AGBL5: variants seen among roughly 807,000 people sequenced by gnomAD.
AGBL5 encodes AGBL carboxypeptidase 5, also known as cytosolic carboxypeptidase-like protein 5.
Under a neutral mutation model 88.0 loss-of-function variants are expected in AGBL5, and 51 were observed. The observed-to-expected ratio is 0.58, with a 90% CI of 0.46 to 0.73. The LOEUF (loss-of-function observed/expected upper bound fraction) is 0.73. Among genes scored for constraint, AGBL5 ranks in the 30% least tolerant of loss-of-function variants. The pLI, the probability that AGBL5 is intolerant of heterozygous loss-of-function variation, is 0.00. For synonymous variants in AGBL5, 446 were observed against 438.8 expected (o/e 1.02, Z -0.21); for missense variants, 1,031 against 1,162.2 (o/e 0.89, Z 1.64).
chr2:27,069,604 C>T lies in AGBL5; in HGVS notation c.2387C>T (p.Pro796Leu), dbSNP rs747409024. Residue 796 changes from proline (P) to leucine (L), a missense_variant, in exon 14 of 15, where the codon CCG becomes CTG. Pro to Leu is a moderately conservative substitution (Grantham distance 98). This residue lies in a region of AGBL5 where 491 missense variants were observed against 484.0 expected (regional missense o/e 1.01). Coordinates refer to ENST00000360131, the MANE Select transcript of AGBL5 (RefSeq NM_021831.6). ...ARPRLGRGSP[P>L]TRRGMKGSSG... ...CCCAGGTTGGGCCGGGGCTCACCGCCGACTCGCAGAGGGATGAAAGGCTCT... is the reference window on the plus strand; with the variant it reads ...CCCAGGTTGGGCCGGGGCTCACCGCTGACTCGCAGAGGGATGAAAGGCTCT... The T allele has an allele frequency of 6.8e-6, 11 of 1,614,056 alleles. No homozygotes were observed. In the South Asian group the frequency reaches 9.9e-5, roughly 14 times the overall value.
chr2:27,061,366 AG>A (rs1668709186), intron 11 of AGBL5, among the ~76,000 whole-genome samples: 1 of 151,630 alleles, frequency 6.6e-6, no homozygotes, highest in Admixed American at 6.6e-5. Context: ...CCTCCGGAAT[AG>A]CTGGGACTAC....
rs1435746260 is a variant in AGBL5, at chr2:27,070,524, A to G, written c.*261A>G. 4.3e-6 allele frequency: 2 copies of G among 464,262 alleles called. No homozygotes were observed. Among genetic ancestry groups the G allele is most frequent in the Non-Finnish European group, 7.8e-6 (2 of 257,062 alleles). 28.8% of individuals were successfully genotyped at this position (464,262 alleles called of 1,614,324 possible). A position where few individuals can be genotyped will look rare whatever the true frequency, so the allele number is the denominator to read the frequency against. ...TTTTTATATTGGGGGGAGGGAGTAG[A>G]AAAGCAAGCCCCTATACTGGGCCCT... On this transcript the variant is annotated 3_prime_UTR_variant, in exon 15 of 15. Transcript: ENST00000360131.
chr2:27,050,774 C>T (rs749604563), upstream of AGBL5, among the ~76,000 whole-genome samples: 2 of 143,838 alleles, frequency 1.4e-5, no homozygotes, highest in African/African-American at 2.5e-5. Flanking sequence ...CATCTTATCG[C>T]AGCGGAGCCT....
In AGBL5 at chr2:27,053,920, T is replaced by A. The variant is rs777483018; in HGVS notation, c.412T>A (p.Ser138Thr). ...FEMTETQFVL[S>T]FVHRFVEGRG... is the part of the protein sequence containing the mutation. ...GATGACAGAGACGCAGTTTGTGTTA[T>A]CCTTTGTTCATCGTTTCGTGGAGGG... Residue 138 changes from serine to threonine, a missense_variant, in exon 4 of 15, where the codon TCC (serine) becomes ACC (threonine). By Grantham distance (58) the Ser-to-Thr change is moderately conservative. This residue lies in a region of AGBL5 where 540 missense variants were observed against 678.2 expected (regional missense o/e 0.80). Coordinates refer to ENST00000360131, the MANE Select transcript of AGBL5 (RefSeq NM_021831.6). This position sits in a 1 kb window ranked among gnomAD's most constrained non-coding sequence, Gnocchi z 4.9. 4.3e-6 allele frequency: 7 copies of A among 1,614,084 alleles called. No homozygotes were observed. Among genetic ancestry groups the A allele is most frequent in the Admixed American group, 3.3e-5 (2 of 60,008 alleles).
chr2:27,056,726 G>A lies in AGBL5; in HGVS notation c.1469G>A (p.Arg490Lys), dbSNP rs775019450. The part of the protein sequence containing the change: ...SEKNMYARDR[R>K]DGQSKEGSGR... ...AAGAATATGTATGCCCGAGACCGTA[G>A]AGATGGCCAGTCTAAAGAGGGAAGC... is the stretch of plus-strand genomic sequence containing the variant. The change falls in exon 8 of 15, where the codon AGA (arginine) becomes AAA (lysine). Residue 490 changes from arginine to lysine, a missense_variant. Physicochemically the swap from Arg to Lys is conservative, Grantham distance 26. This residue lies in a region of AGBL5 where 540 missense variants were observed against 678.2 expected (regional missense o/e 0.80). Coordinates refer to ENST00000360131, the MANE Select transcript of AGBL5 (RefSeq NM_021831.6). The A allele has an allele frequency of 1.2e-6, 2 of 1,613,790 alleles. No individual in the cohort carries two copies. The highest frequency in any genetic ancestry group is 2.2e-5 in the South Asian group (2 of 91,048).
chr2:27,067,848 T>C, intron 12 of AGBL5: 1 of 678,504 alleles, frequency 1.5e-6, no homozygotes, highest in Non-Finnish European at 2.7e-6. Flanking sequence ...TACTGAACAT[T>C]TACTATGTGC....
At chr2:27,057,263 C>G (rs201153256) in intron 8 of AGBL5, 40 bp from the exon 9 acceptor site, 2 of 1,580,936 alleles carry the variant, frequency 1.3e-6, no homozygotes, top group African/African-American at 2.7e-5. Flanking sequence ...GTCCTGGTAT[C>G]TGTTCAGGCG....
chr2:27,056,649 C>T lies in AGBL5; in HGVS notation c.1392C>T (p.Leu464=). The T allele has an allele frequency of 5.0e-6, 8 of 1,612,160 alleles. No individual in the cohort carries two copies. Among genetic ancestry groups the T allele is most frequent in the Non-Finnish European group, 6.8e-6 (8 of 1,178,670 alleles). Residue 464 remains leucine, a synonymous_variant, in exon 8 of 15, where the codon CTC becomes CTT. Transcript: ENST00000360131. The stretch of plus-strand genomic sequence containing the variant: ...TGGAAAACATGCTATATCCAAAGCT[C>T]ATCTCCTTGAATTCAGCCCACTTCG... ...TQVENMLYPK[L]ISLNSAHFDF... is the part of the protein sequence containing the mutation.
chr2:27,056,813 T>G, intron 8 of AGBL5, 21 bp downstream of exon 8: 1 of 1,577,864 alleles, frequency 6.3e-7, no homozygotes, highest in Admixed American at 1.8e-5. Flanking sequence ...AGCTGAGATA[T>G]AGTTGATGAA....
chr2:27,051,212 G>C (rs554981985), upstream of AGBL5, among the ~76,000 whole-genome samples: 18 of 152,326 alleles, frequency 1.2e-4, no homozygotes, highest in South Asian at 2.1e-4. Context: ...TAAGCAGCAG[G>C]CGGGGGATTA....
chr2:27,069,735 C>T (rs775370167), intron 14 of AGBL5, 29 bp downstream of exon 14: 9 of 1,595,326 alleles, frequency 5.6e-6, no homozygotes, highest in African/African-American at 2.7e-5. Flanking sequence ...TCCCTCACAC[C>T]ACCCCTCACT....
upstream of AGBL5, among the ~76,000 whole-genome samples, chr2:27,051,206 C>G (rs189664092): frequency 6.6e-6 from 1 of 152,172 alleles, no homozygotes; most frequent in African/African-American, 2.4e-5. Flanking sequence ...AAGAACTAAG[C>G]AGCAGGCGGG....
Position 27,058,549 on chromosome 2 carries a change from G to C in AGBL5, c.1821G>C (p.Leu607=), listed in dbSNP as rs777459103. The C allele has an allele frequency of 6.2e-7, 1 of 1,614,176 alleles. No homozygotes were observed. Among genetic ancestry groups the C allele is most frequent in the African/African-American group, 1.3e-5 (1 of 75,054 alleles). Residue 607 remains leucine, a synonymous_variant, in exon 10 of 15, where the codon CTG becomes CTC. Transcript: ENST00000360131. The stretch of plus-strand genomic sequence containing the variant: ...ACAGCCGAGGCCTAAGCAGCACTCT[G>C]AATGTGGGTGTCAACAAGAAGAGGG... The part of the protein sequence containing the change: ...VRNSRGLSST[L]NVGVNKKRGL...
chr2:27,060,758 T>C (rs1012072345), intron 11 of AGBL5, among the ~76,000 whole-genome samples: 6 of 152,218 alleles, frequency 3.9e-5, no homozygotes, highest in Non-Finnish European at 8.8e-5. Flanking sequence ...CCAGGCCCCA[T>C]TGTTTGAGAG....
At chr2:27,070,014 C>A in intron 14 of AGBL5, 78 bp from the exon 15 acceptor site, 5 of 1,542,440 alleles carry the variant, frequency 3.2e-6, no homozygotes, top group Non-Finnish European at 3.5e-6. Flanking sequence ...ACTTCTTTCA[C>A]TTCCCAGCCC....
chr2:27,067,963 C>G (rs1258694172), intron 12 of AGBL5: 7 of 417,428 alleles, frequency 1.7e-5, no homozygotes, highest in Non-Finnish European at 2.3e-5. Flanking sequence ...ACTCCAGGAG[C>G]TGGGCAACAC....
chr2:27,054,586 G>C, intron 4 of AGBL5, 44 bp from the exon 5 acceptor site: 1 of 1,579,130 alleles, frequency 6.3e-7, no homozygotes, highest in Non-Finnish European at 8.6e-7. Flanking sequence ...CCTCTTACTA[G>C]GACTTTAGGG....
chr2:27,068,078 TTTAAA>T (rs1316916967), intron 12 of AGBL5, among the ~76,000 whole-genome samples: 11 of 152,222 alleles, frequency 7.2e-5, no homozygotes, highest in African/African-American at 1.7e-4. Flanking sequence ...TCTCTTCTCC[TTTAAA>T]TTATAGACCC....
chr2:27,052,121 A>T (rs1668185978), intron 1 of AGBL5: 1 of 152,126 alleles, frequency 6.6e-6, no homozygotes, highest in Non-Finnish European at 1.5e-5. Context: ...CCCGAGTGGG[A>T]CTCTAGCAGC....
Sources: gnomAD v4.1 joint callset for allele counts (sites outside exome capture counted in the v4.1 genomes callset) on GRCh38, gnomAD v4.1.1 for gene constraint, gnomAD v4.1.1 regional missense constraint, Gnocchi (gnomAD v3.1) non-coding constraint, MANE v1.5 for transcripts, NCBI Gene and HGNC (gene_info 2026-07-23, HGNC 2026-07-21) for gene names.